Variants in NCOA7 observed in about 807,000 individuals in gnomAD.
NCOA7 encodes the protein 140 kDa estrogen receptor-associated protein.
NCOA7 carries 45 observed loss-of-function variants against 104.3 expected under a neutral mutation model. The ratio of observed to expected loss-of-function variants is 0.43; its 90% confidence interval spans 0.34 to 0.55. The LOEUF (loss-of-function observed/expected upper bound fraction) is 0.55, where lower values mean the gene tolerates loss of function less well. NCOA7 is among the 20% of genes least tolerant of loss of function. The probability of loss-of-function intolerance (pLI) is 0.02; values close to 1 mark genes in which losing one functional copy is unlikely to be tolerated. For synonymous variants in NCOA7, 398 were observed against 402.3 expected (o/e 0.99, Z 0.13); for missense variants, 1,041 against 1,119.7 (o/e 0.93, Z 1.00).
In NCOA7 at chr6:125,890,795, C is replaced by A. The variant is rs1320676679; in HGVS notation, c.2081C>A (p.Ala694Asp). ...KRRKQPEYWF[A>D]VPRERVDHLY... ...AGAAAGCAGCCAGAGTACTGGTTTG[C>A]TGTTCCTCGGGAGAGGTGAGTATGG... is the stretch of plus-strand genomic sequence containing the variant. The change falls in exon 10 of 16, where the codon GCT (alanine) becomes GAT (aspartate). Residue 694 changes from alanine (A) to aspartate (D), a missense_variant. Physicochemically the swap from Ala to Asp is moderately radical, Grantham distance 126 (BLOSUM62 -2). Around this residue, in one of 2 missense-constraint regions of NCOA7, gnomAD observed 914 missense variants for 942.7 expected, o/e 0.97. Coordinates refer to ENST00000392477, the MANE Select transcript of NCOA7 (RefSeq NM_181782.5). 1 of 1,608,144 alleles carries A rather than the reference C, an allele frequency of 6.2e-7. No individual in the cohort carries two copies. Among genetic ancestry groups the A allele is most frequent in the Non-Finnish European group, 8.5e-7 (1 of 1,177,514 alleles).
intron 10 of NCOA7, among the ~76,000 whole-genome samples, chr6:125,897,896 C>G (rs1785174630): frequency 6.6e-6 from 1 of 152,198 alleles, no homozygotes. Context: ...CCAGGCTGGT[C>G]TCATACTTCT....
chr6:125,868,631 C>T (rs1031602394), intron 3 of NCOA7, among the ~76,000 whole-genome samples: 1 of 152,202 alleles, frequency 6.6e-6, no homozygotes, highest in Non-Finnish European at 1.5e-5. Context: ...ATAATTAATA[C>T]TATCAAACTG....
intron 10 of NCOA7, among the ~76,000 whole-genome samples, chr6:125,896,741 A>G (rs1042887027): frequency 3.9e-5 from 6 of 152,218 alleles, no homozygotes; most frequent in Non-Finnish European, 7.3e-5. Flanking sequence ...GCAGTGAGCT[A>G]AAATCACGCC....
At chr6:125,927,017 A>G (rs1358519738) in intron 13 of NCOA7, among the ~76,000 whole-genome samples, 1 of 152,198 alleles carries the variant, frequency 6.6e-6, no homozygotes, top group East Asian at 1.9e-4. Flanking sequence ...CATTGATTTA[A>G]ACACATCTAA....
At chr6:125,924,239 C>T (rs1322268832) in intron 13 of NCOA7, among the ~76,000 whole-genome samples, 4 of 152,232 alleles carry the variant, frequency 2.6e-5, no homozygotes, top group Non-Finnish European at 4.4e-5. Flanking sequence ...CAAAATATCA[C>T]ACTTGTTGAG....
intron 12 of NCOA7, among the ~76,000 whole-genome samples, chr6:125,922,240 C>T (rs1239273076): frequency 2.0e-5 from 3 of 152,196 alleles, no homozygotes; most frequent in Non-Finnish European, 2.9e-5. Context: ...TAACACTAAA[C>T]GTCCCTGTTT....
intron 1 of NCOA7, among the ~76,000 whole-genome samples, chr6:125,796,146 C>T (rs541081912): frequency 2.2e-4 from 34 of 152,012 alleles, no homozygotes; most frequent in Middle Eastern, 3.4e-3. Flanking sequence ...CTTAGTGTCC[C>T]AAGTAGGCTT....
intron 10 of NCOA7, among the ~76,000 whole-genome samples, chr6:125,911,169 C>T (rs759645111): frequency 6.6e-6 from 1 of 152,124 alleles, no homozygotes; most frequent in African/African-American, 2.4e-5. Flanking sequence ...GAGCACATTG[C>T]GTTAAGCACA....
At chr6:125,831,864 T>C (rs1779214233) in intron 2 of NCOA7, among the ~76,000 whole-genome samples, 1 of 152,234 alleles carries the variant, frequency 6.6e-6, no homozygotes, top group African/African-American at 2.4e-5. Flanking sequence ...TGTCATTTGC[T>C]TTTTGCTTTC....
chr6:125,846,545 A>G (rs1182992121), intron 2 of NCOA7, among the ~76,000 whole-genome samples: 1 of 152,192 alleles, frequency 6.6e-6, no homozygotes, highest in Non-Finnish European at 1.5e-5. Flanking sequence ...TTACAGAGAA[A>G]GCCAAGCCCA....
At chr6:125,888,873 T>C in intron 8 of NCOA7, 66 bp from the exon 9 acceptor site, 2 of 1,274,860 alleles carry the variant, frequency 1.6e-6, no homozygotes, top group Middle Eastern at 2.0e-4. Context: ...TTTTTGCCTT[T>C]CCTCCATTTT....
intron 10 of NCOA7, among the ~76,000 whole-genome samples, chr6:125,912,202 T>C (rs530186931): frequency 1.5e-4 from 23 of 152,316 alleles, no homozygotes; most frequent in African/African-American, 5.5e-4. Flanking sequence ...AGGCACCTGA[T>C]TGTCACCTGG....
chr6:125,904,093 C>G (rs1785751776), intron 10 of NCOA7, among the ~76,000 whole-genome samples: 1 of 152,186 alleles, frequency 6.6e-6, no homozygotes, highest in South Asian at 2.1e-4. Flanking sequence ...ACAGTGGCCA[C>G]AGGCTGAGTT....
At chr6:125,876,207 A>G (rs1783361564) in intron 4 of NCOA7, among the ~76,000 whole-genome samples, 1 of 152,220 alleles carries the variant, frequency 6.6e-6, no homozygotes, top group African/African-American at 2.4e-5. Context: ...TTCTTTTGCA[A>G]TAGTAAATCT....
intron 3 of NCOA7, among the ~76,000 whole-genome samples, chr6:125,856,275 G>A (rs1781539489): frequency 6.6e-6 from 1 of 152,056 alleles, no homozygotes; most frequent in African/African-American, 2.4e-5. Flanking sequence ...CACTCGTTCT[G>A]GGCCACCCTC....
chr6:125,856,501 C>T (rs933416987), intron 3 of NCOA7, among the ~76,000 whole-genome samples: 4 of 152,030 alleles, frequency 2.6e-5, no homozygotes, highest in African/African-American at 9.7e-5. Context: ...TAGAGGCACC[C>T]GCCACCACGC....
intron 1 of NCOA7, among the ~76,000 whole-genome samples, chr6:125,809,449 C>A (rs1169422664): frequency 6.6e-6 from 1 of 152,158 alleles, no homozygotes; most frequent in Non-Finnish European, 1.5e-5. Context: ...TCCCAAAGTG[C>A]TGGGAATATA....
Position 125,922,881 on chromosome 6 carries a change from A to G in NCOA7, c.2523+47A>G, listed in dbSNP as rs764814192. ...AAGAATATTTTTTAATAATTTTTCA[A>G]AATTCCCAACAGTAGAGAGACTAGT... On this transcript the variant is annotated intron_variant, in intron 13 of 15. Transcript: ENST00000392477. The G allele has an allele frequency of 1.3e-5, 20 of 1,573,038 alleles. No homozygotes were observed. The African/African-American group carries it at 1.9e-4, about 15-fold the overall frequency.
chr6:125,914,259 A>G (rs562479741), intron 10 of NCOA7, among the ~76,000 whole-genome samples: 1 of 152,376 alleles, frequency 6.6e-6, no homozygotes, highest in South Asian at 2.1e-4. Flanking sequence ...ACTTCATGAA[A>G]TGTAGCTGTT....
Sources: gnomAD v4.1 joint callset for allele counts (sites outside exome capture counted in the v4.1 genomes callset) on GRCh38, gnomAD v4.1.1 for gene constraint, gnomAD v4.1.1 regional missense constraint, MANE v1.5 for transcripts, NCBI Gene and HGNC (gene_info 2026-07-23, HGNC 2026-07-21) for gene names.